IKZF1: variants seen among roughly 807,000 people sequenced by gnomAD.
IKZF1 encodes the protein IKAROS family zinc finger 1, also known as DNA-binding protein Ikaros.
In IKZF1, 10 loss-of-function variants were observed where a neutral mutation model predicts 51.7. That is an observed-to-expected ratio of 0.19 (90% CI 0.12 to 0.33). IKZF1 has a LOEUF of 0.33. Among genes scored for constraint, IKZF1 ranks in the 10% least tolerant of loss-of-function variants. IKZF1 has a pLI of 1.00. For missense variants in IKZF1, 484 were observed against 707.5 expected, an observed-to-expected ratio of 0.68 and a Z score of 3.58; for synonymous variants, 280 against 282.3, an observed-to-expected ratio of 0.99 and a Z score of 0.08.
chr7:50,360,019 A>G (rs950745180), intron 3 of IKZF1, among the ~76,000 whole-genome samples: 5 of 152,068 alleles, frequency 3.3e-5, no homozygotes, highest in Non-Finnish European at 5.9e-5. Context: ...TAAAGACACA[A>G]AGTGTGCAGG....
chr7:50,311,284 G>T (rs1165113330), intron 1 of IKZF1, among the ~76,000 whole-genome samples: 3 of 152,114 alleles, frequency 2.0e-5, no homozygotes, highest in Non-Finnish European at 2.9e-5. Context: ...AGGAATAAGA[G>T]GTAAATAGAT....
chr7:50,374,368 C>T (rs1809609124), intron 3 of IKZF1, among the ~76,000 whole-genome samples: 1 of 152,202 alleles, frequency 6.6e-6, no homozygotes, highest in South Asian at 2.1e-4. Flanking sequence ...AGAACTGATG[C>T]ACTGCAGATA....
rs77321619 is a variant in IKZF1, at chr7:50,381,642, C to T, written c.422-898C>T. On this transcript the variant is annotated intron_variant, in intron 4 of 7. Transcript: ENST00000331340. ...AGTCACAAATGCAGCAGTCTCACCC[C>T]TGAAAGAATTCCTTCATAACAACTA... 7.2e-5 allele frequency among the ~76,000 whole-genome samples: 11 copies of T among 152,330 alleles called. No individual in the cohort carries two copies. In the South Asian group the frequency reaches 2.3e-3, roughly 32 times the overall value.
At chr7:50,335,536 T>C (rs1360568454) in intron 3 of IKZF1, among the ~76,000 whole-genome samples, 1 of 146,524 alleles carries the variant, frequency 6.8e-6, no homozygotes, top group Non-Finnish European at 1.5e-5. Flanking sequence ...GTGCATAGTG[T>C]GTATGTGTGT....
intron 5 of IKZF1, among the ~76,000 whole-genome samples, chr7:50,384,747 T>G (rs1405703799): frequency 6.6e-6 from 1 of 152,218 alleles, no homozygotes; most frequent in Non-Finnish European, 1.5e-5. Flanking sequence ...AAGCTTCACA[T>G]CTGTTGTTTC....
intron 3 of IKZF1, among the ~76,000 whole-genome samples, chr7:50,338,998 C>A (rs1049856021): frequency 6.6e-6 from 1 of 152,170 alleles, no homozygotes. Flanking sequence ...TGGTAATATG[C>A]GGAAAATCTG....
chr7:50,354,310 G>T (rs576777305), intron 3 of IKZF1, among the ~76,000 whole-genome samples: 1 of 152,178 alleles, frequency 6.6e-6, no homozygotes, highest in Non-Finnish European at 1.5e-5. Flanking sequence ...GTGGGTGCCC[G>T]GGCTTCCATC....
At chr7:50,315,057 C>T (rs547891150) in intron 1 of IKZF1, among the ~76,000 whole-genome samples, 15 of 152,328 alleles carry the variant, frequency 9.8e-5, no homozygotes, top group South Asian at 6.2e-4. Flanking sequence ...CCTGTGCTGT[C>T]GGCTTGCCCG....
intron 2 of IKZF1, among the ~76,000 whole-genome samples, chr7:50,320,116 A>G (rs937730894): frequency 1.3e-5 from 2 of 152,210 alleles, no homozygotes; most frequent in Non-Finnish European, 2.9e-5. Context: ...GGTGCAAAGA[A>G]CAAACAAAAG....
rs556469829 is a variant in IKZF1, at chr7:50,357,939, C to CG, written c.161-18589dup. ...GTCGGAGTTTCTCTCATTTGTAAAG[C>CG]GGGGGTGATATTTTTCTCACAGGGC... On this transcript the variant is annotated intron_variant, in intron 3 of 7. Transcript: ENST00000331340. 2.4e-4 allele frequency among the ~76,000 whole-genome samples: 37 copies of CG among 152,146 alleles called. No individual in the cohort carries two copies. In the East Asian group the frequency reaches 6.2e-3, roughly 25 times the overall value.
At chr7:50,354,355 G>A (rs963278939) in intron 3 of IKZF1, among the ~76,000 whole-genome samples, 4 of 152,186 alleles carry the variant, frequency 2.6e-5, no homozygotes, top group Non-Finnish European at 4.4e-5. Context: ...GCAGCCTGGC[G>A]GAGGTGAGCA....
At position 50,387,487 on chromosome 7, in the gene IKZF1, G is replaced by T; in HGVS notation, c.715+17G>T. On this transcript the variant is annotated intron_variant, in intron 6 of 7. Coordinates refer to ENST00000331340, the MANE Select transcript of IKZF1 (RefSeq NM_006060.6). ...TGTACCCAGGTAAGCGCTGCTGCTCGGAGGCCAGCCTGGTGGGCTCTCCCC... is the reference window on the plus strand; with the variant it reads ...TGTACCCAGGTAAGCGCTGCTGCTCTGAGGCCAGCCTGGTGGGCTCTCCCC... 2 of 1,599,590 alleles carry T rather than the reference G, an allele frequency of 1.3e-6. No individual in the cohort carries two copies. Among genetic ancestry groups the T allele is most frequent in the Non-Finnish European group, 1.7e-6 (2 of 1,173,762 alleles).
chr7:50,320,824 C>T (rs1459853214), intron 2 of IKZF1, among the ~76,000 whole-genome samples: 1 of 152,130 alleles, frequency 6.6e-6, no homozygotes, highest in Admixed American at 6.6e-5. Context: ...GAAGAACTTA[C>T]CTTAGAGGTA....
chr7:50,400,967 A>C lies in IKZF1; in HGVS notation c.*340A>C. 2.4e-6 allele frequency: 1 copy of C among 414,954 alleles called. No individual in the cohort carries two copies. Among genetic ancestry groups the C allele is most frequent in the African/African-American group, 2.0e-5 (1 of 49,522 alleles). The allele number at this position is 414,954 out of a possible 1,614,324, so 25.7% of individuals were successfully genotyped here. On this transcript the variant is annotated 3_prime_UTR_variant, in exon 8 of 8. Coordinates refer to ENST00000331340, the MANE Select transcript of IKZF1 (RefSeq NM_006060.6). This position sits in a 1 kb window ranked among gnomAD's most constrained non-coding sequence, Gnocchi z 5.4. ...CTAAATTTTCAGAGAGAAATAGATA[A>C]AACACGCCACAGCCTGGGAAGGAGC...
chr7:50,327,806 T>C, intron 3 of IKZF1, 49 bp downstream of exon 3: 1 of 1,528,520 alleles, frequency 6.5e-7, no homozygotes, highest in Non-Finnish European at 8.8e-7. Context: ...TTTATCTCTT[T>C]GTATTTTTCC....
intron 1 of IKZF1, among the ~76,000 whole-genome samples, chr7:50,305,236 T>C (rs1404234605): frequency 2.0e-5 from 3 of 152,202 alleles, no homozygotes; most frequent in African/African-American, 7.2e-5. Context: ...AGTCAGCCTT[T>C]ATAAAGTCGT....
intron 3 of IKZF1, among the ~76,000 whole-genome samples, chr7:50,363,669 A>C (rs1805942193): frequency 6.6e-6 from 1 of 152,228 alleles, no homozygotes; most frequent in African/African-American, 2.4e-5. Context: ...TCTTCCCATG[A>C]GAAGACTCTG....
rs373934387 is a variant in IKZF1 at position 50,327,720 on chromosome 7, G to A, written c.123G>A (p.Ser41=). 43 of 1,613,424 alleles carry A rather than the reference G, an allele frequency of 2.7e-5. No homozygotes were observed. The highest frequency in any genetic ancestry group is 1.6e-4 in the Middle Eastern group (1 of 6,084). The change falls in exon 3 of 8, where the codon TCG becomes TCA. Residue 41 remains serine (S), a synonymous_variant. Coordinates refer to ENST00000331340, the MANE Select transcript of IKZF1 (RefSeq NM_006060.6). ...MPIPEDLSTT[S]GGQQSSKSDR... ...TCCCCGAGGACCTCTCCACCACCTC[G>A]GGAGGACAGCAAAGCTCCAAGAGTG... is the stretch of plus-strand genomic sequence containing the variant.
At chr7:50,384,240 C>T (rs1423442484) in intron 5 of IKZF1, among the ~76,000 whole-genome samples, 1 of 152,244 alleles carries the variant, frequency 6.6e-6, no homozygotes, top group Non-Finnish European at 1.5e-5. Flanking sequence ...CTCGGTCTCA[C>T]TCCTGGCAGG....
Sources: allele counts gnomAD v4.1 joint callset (sites outside exome capture counted in the v4.1 genomes callset), GRCh38; gene constraint gnomAD v4.1.1; non-coding constraint Gnocchi (gnomAD v3.1); transcripts MANE v1.5; gene names NCBI Gene and HGNC (gene_info 2026-07-23, HGNC 2026-07-21).